Variants in BIN1 observed in about 807,000 individuals in gnomAD.
BIN1 encodes bridging integrator 1.
In BIN1, 53 loss-of-function variants were observed where a neutral mutation model predicts 82.0. The observed-to-expected ratio is 0.65, with a 90% CI of 0.52 to 0.81. The LOEUF (loss-of-function observed/expected upper bound fraction) is 0.81, where lower values mean the gene tolerates loss of function less well. Ranked by LOEUF, BIN1 falls within the 40% of genes least tolerant of loss-of-function variation. The pLI is 0.00. For synonymous variants in BIN1, 302 were observed against 328.0 expected, an observed-to-expected ratio of 0.92 and a Z score of 0.86; for missense variants, 642 against 784.4, an observed-to-expected ratio of 0.82 and a Z score of 2.17.
rs547847020 is a variant in BIN1 at position 127,101,347 on chromosome 2, A to G, written c.84+5513T>C. 1.4e-4 allele frequency among the ~76,000 whole-genome samples: 22 copies of G among 152,232 alleles called. No individual in the cohort carries two copies. In the South Asian group the frequency reaches 4.6e-3, roughly 32 times the overall value. On this transcript the variant is annotated intron_variant, in intron 1 of 18. Coordinates refer to ENST00000316724, the MANE Select transcript of BIN1 (RefSeq NM_139343.3). ...CCCTCACCTGGGACGGGAGCTGCCC[A>G]CCTGACTCTCTCCACCCAATCCACT...
intron 18 of BIN1, among the ~76,000 whole-genome samples, chr2:127,050,208 G>C (rs2104856135): frequency 6.6e-6 from 1 of 152,324 alleles, no homozygotes; most frequent in Non-Finnish European, 1.5e-5. Context: ...GGGAGAGAGA[G>C]AGGCCTAACA....
At chr2:127,098,040 A>G (rs1213026682) in intron 1 of BIN1, among the ~76,000 whole-genome samples, 4 of 152,174 alleles carry the variant, frequency 2.6e-5, no homozygotes, top group African/African-American at 9.7e-5. Flanking sequence ...TGCTGTGTGC[A>G]AGGCTGGGAG....
Position 127,048,596 on chromosome 2 carries a change from C to T in BIN1, c.1712G>A (p.Trp571Ter). The change falls in exon 19 of 19, where the codon TGG becomes TAG. Residue 571 changes from tryptophan to a stop codon, truncating the protein, a stop_gained. Transcript: ENST00000316724. LOFTEE classifies it high-confidence loss of function. ...GWLMGVKESD[W>*]NQHKELEKCR... ...CTTCTCCAGCTCCTTGTGCTGGTTCCAGTCGCTCTCCTTCACGCCCATGAG... is the reference window on the plus strand; with the variant it reads ...CTTCTCCAGCTCCTTGTGCTGGTTCTAGTCGCTCTCCTTCACGCCCATGAG... The T allele has an allele frequency of 6.2e-7, 1 of 1,613,574 alleles. No individual in the cohort carries two copies. The highest frequency in any genetic ancestry group is 8.5e-7 in the Non-Finnish European group (1 of 1,180,024).
At chr2:127,052,391 G>A (rs1479521572) in intron 14 of BIN1, 29 bp from the exon 15 acceptor site, 7 of 1,552,054 alleles carry the variant, frequency 4.5e-6, no homozygotes, top group Non-Finnish European at 6.1e-6. Flanking sequence ...GAGAGAACAG[G>A]GAGGGGGCGG....
At position 127,081,837 on chromosome 2, in the gene BIN1, G is replaced by A. The variant is rs533284149; in HGVS notation, c.85-5131C>T. On this transcript the variant is annotated intron_variant, in intron 1 of 18. Coordinates refer to ENST00000316724, the MANE Select transcript of BIN1 (RefSeq NM_139343.3). ...AAAACGCATAAGGCCCTCACCTTCC[G>A]CATCATCTCCTCCCCACCTGCCTGC... The A allele has an allele frequency of 5.1e-5, 66 of 1,287,656 alleles. No homozygotes were observed. In the Admixed American group the frequency reaches 7.4e-4, roughly 14 times the overall value. 79.8% of individuals were successfully genotyped at this position (1,287,656 alleles called of 1,614,324 possible). A position where few individuals can be genotyped will look rare whatever the true frequency, so the allele number is the denominator to read the frequency against.
rs1412298116 is a variant in BIN1, at chr2:127,105,771, G to A, written c.84+1089C>T. On this transcript the variant is annotated intron_variant, in intron 1 of 18. Coordinates refer to ENST00000316724, the MANE Select transcript of BIN1 (RefSeq NM_139343.3). Reference sequence around the variant, plus strand: ...CACCAGGCCTGGCAGGGGAAGGCCGGCCTGTCCCTGCGCCTCCACCCGGCG... The same window carrying A: ...CACCAGGCCTGGCAGGGGAAGGCCGACCTGTCCCTGCGCCTCCACCCGGCG... Among the ~76,000 whole-genome samples the A allele has an allele frequency of 3.9e-5, 6 of 152,328 alleles. 1 individual carries two copies. In the South Asian group the frequency reaches 8.3e-4, roughly 21 times the overall value.
Position 127,068,271 on chromosome 2 carries a change from C to A in BIN1, c.520-16G>T, listed in dbSNP as rs766300039. ...GCGAGACAGGCTGGGGTGGGGAGGT[C>A]AAGGCAAAGGAAGGTGGAGAGACCA... is the stretch of plus-strand genomic sequence containing the variant. On this transcript the variant is annotated splice_polypyrimidine_tract_variant and intron_variant, in intron 6 of 18. Transcript: ENST00000316724. This position sits in a 1 kb window ranked among gnomAD's most constrained non-coding sequence, Gnocchi z 4.9. 25 of 1,604,778 alleles carry A rather than the reference C, an allele frequency of 1.6e-5. No individual in the cohort carries two copies. The highest frequency in any genetic ancestry group is 1.6e-4 in the Middle Eastern group (1 of 6,074).
chr2:127,054,883 C>T (rs1191920467), intron 12 of BIN1: 2 of 152,408 alleles, frequency 1.3e-5, no homozygotes, highest in Admixed American at 1.3e-4. Flanking sequence ...GAGCCCCCGG[C>T]ACAGGCGGAG....
chr2:127,103,421 G>A (rs773465423), intron 1 of BIN1, among the ~76,000 whole-genome samples: 7 of 152,076 alleles, frequency 4.6e-5, no homozygotes, highest in Admixed American at 1.3e-4. Context: ...GCATGTCAGC[G>A]CTGTGCTGGG....
chr2:127,070,527 G>C (rs1369539734), intron 4 of BIN1, 26 bp downstream of exon 4: 1 of 1,612,996 alleles, frequency 6.2e-7, no homozygotes, highest in South Asian at 1.1e-5. Flanking sequence ...CTCTGAGAAG[G>C]GCAGGCCCAC....
intron 4 of BIN1, 61 bp from the exon 5 acceptor site, chr2:127,070,151 C>T: frequency 7.0e-7 from 1 of 1,427,982 alleles, no homozygotes; most frequent in African/African-American, 1.4e-5. Flanking sequence ...CGCCCCAGCG[C>T]TCACCTCGCA....
Position 127,068,080 on chromosome 2 carries a change from G to T in BIN1, c.612+83C>A. On this transcript the variant is annotated intron_variant, in intron 7 of 18. Coordinates refer to ENST00000316724, the MANE Select transcript of BIN1 (RefSeq NM_139343.3). This position sits in a 1 kb window ranked among gnomAD's most constrained non-coding sequence, Gnocchi z 4.9. ...CTGCCCCAGCTGGGCTCAGATGCCAGCCCTGCATTCCACCGCAGGGCGAGA... is the reference window on the plus strand; with the variant it reads ...CTGCCCCAGCTGGGCTCAGATGCCATCCCTGCATTCCACCGCAGGGCGAGA... The T allele has an allele frequency of 7.1e-7, 1 of 1,402,330 alleles. No homozygotes were observed. Among genetic ancestry groups the T allele is most frequent in the Non-Finnish European group, 9.9e-7 (1 of 1,008,362 alleles). 86.9% of individuals were successfully genotyped at this position (1,402,330 alleles called of 1,614,324 possible). A position where few individuals can be genotyped will look rare whatever the true frequency, so the allele number is the denominator to read the frequency against.
At position 127,068,208 on chromosome 2, in the gene BIN1, T is replaced by C; in HGVS notation, c.567A>G (p.Lys189=). ...TTTGAGCTACGAGATGAGCCTGCAGTTTGCCTTGGCACCACTGGGGGGCGG... is the reference window on the plus strand; with the variant it reads ...TTTGAGCTACGAGATGAGCCTGCAGCTTGCCTTGGCACCACTGGGGGGCGG... ...EKAAPQWCQG[K]LQAHLVAQTN... Residue 189 remains lysine, a synonymous_variant, in exon 7 of 19, where the codon AAA becomes AAG. Transcript: ENST00000316724. This position sits in a 1 kb window ranked among gnomAD's most constrained non-coding sequence, Gnocchi z 4.9. 6.2e-7 allele frequency: 1 copy of C among 1,613,186 alleles called. No homozygotes were observed. The highest frequency in any genetic ancestry group is 8.5e-7 in the Non-Finnish European group (1 of 1,179,838).
rs1395979886 is a variant in BIN1 at position 127,107,100 on chromosome 2, C to A, written c.-157G>T. ...AGCCAACTGACGGAGGCGGAGCGTGCGCCGGACGGGCGAGCGAGCCAGCGA... is the reference window on the plus strand; with the variant it reads ...AGCCAACTGACGGAGGCGGAGCGTGAGCCGGACGGGCGAGCGAGCCAGCGA... On this transcript the variant is annotated 5_prime_UTR_variant, in exon 1 of 19. Coordinates refer to ENST00000316724, the MANE Select transcript of BIN1 (RefSeq NM_139343.3). The surrounding 1 kb of genome is among the most constrained non-coding windows in gnomAD (Gnocchi z 5.9). 5 of 782,220 alleles carry A rather than the reference C, an allele frequency of 6.4e-6. No individual in the cohort carries two copies. The highest frequency in any genetic ancestry group is 8.8e-6 in the Non-Finnish European group (5 of 565,224). 48.5% of individuals were successfully genotyped at this position (782,220 alleles called of 1,614,324 possible). A position where few individuals can be genotyped will look rare whatever the true frequency, so the allele number is the denominator to read the frequency against.
rs571417554 is a variant in BIN1, at chr2:127,048,224, C to T, written c.*302G>A. The stretch of plus-strand genomic sequence containing the variant: ...GAAGCTTCAGGCAAGCATGGTGGCT[C>T]GGCAGCCCCCAGCCCCGCCCTGCGG... On this transcript the variant is annotated 3_prime_UTR_variant, in exon 19 of 19. Transcript: ENST00000316724. The T allele has an allele frequency of 4.3e-5, 18 of 423,290 alleles. No individual in the cohort carries two copies. The highest frequency in any genetic ancestry group is 2.2e-4 in the Admixed American group (6 of 27,548). The allele number at this position is 423,290 out of a possible 1,614,324, so 26.2% of individuals were successfully genotyped here.
At chr2:127,069,731 AACACACACACACACAC>A (rs3832046) in intron 5 of BIN1, among the ~76,000 whole-genome samples, 1 of 147,584 alleles carries the variant, frequency 6.8e-6, no homozygotes, top group Non-Finnish European at 1.5e-5. Flanking sequence ...ACTCCGCAGC[AACACACACACACACAC>A]ACACACACAC....
chr2:127,068,107 G>A lies in BIN1; in HGVS notation c.612+56C>T. The A allele has an allele frequency of 1.9e-6, 3 of 1,546,986 alleles. No homozygotes were observed. Among genetic ancestry groups the A allele is most frequent in the South Asian group, 1.2e-5 (1 of 86,636 alleles). On this transcript the variant is annotated intron_variant, in intron 7 of 18. Coordinates refer to ENST00000316724, the MANE Select transcript of BIN1 (RefSeq NM_139343.3). The surrounding 1 kb of genome is among the most constrained non-coding windows in gnomAD (Gnocchi z 4.9). ...CCTGCATTCCACCGCAGGGCGAGAG[G>A]ACAGGACGACAGACCGGAAGGCGCC...
In BIN1 at chr2:127,050,823, C is replaced by T. The variant is rs1420045948; in HGVS notation, c.1551G>A (p.Leu517=). The T allele has an allele frequency of 6.2e-7, 1 of 1,613,680 alleles. No homozygotes were observed. Among genetic ancestry groups the T allele is most frequent in the East Asian group, 2.2e-5 (1 of 44,880 alleles). Residue 517 remains leucine, a synonymous_variant, in exon 17 of 19, where the codon CTG becomes CTA. Coordinates refer to ENST00000316724, the MANE Select transcript of BIN1 (RefSeq NM_139343.3). ...TCACCTTGAACATGAAACCTGGGGG[C>T]AGGTCCAAGCGCCCGGCCCCACTGC... The part of the protein sequence containing the change: ...EGGSGAGRLD[L]PPGFMFKVQA...
intron 8 of BIN1, 117 bp from the exon 9 acceptor site, chr2:127,063,763 C>T (rs1367897831): frequency 3.6e-6 from 5 of 1,402,248 alleles, no homozygotes; most frequent in Middle Eastern, 1.8e-4. Context: ...CAGAGAGGGC[C>T]CAGGCACCGC....
Sources: allele counts gnomAD v4.1 joint callset (sites outside exome capture counted in the v4.1 genomes callset), GRCh38; gene constraint gnomAD v4.1.1; non-coding constraint Gnocchi (gnomAD v3.1); transcripts MANE v1.5; gene names NCBI Gene and HGNC (gene_info 2026-07-23, HGNC 2026-07-21).